SH3BP5: variants seen among roughly 807,000 people sequenced by gnomAD.
SH3BP5 encodes SH3 domain binding protein 5.
In SH3BP5, 22 loss-of-function variants were observed where a neutral mutation model predicts 43.3. The ratio of observed to expected loss-of-function variants is 0.51; its 90% CI spans 0.36 to 0.73. SH3BP5 has a LOEUF of 0.73. Among genes scored for constraint, SH3BP5 ranks in the 30% least tolerant of loss-of-function variants. The probability of loss-of-function intolerance (pLI) is 0.00; values close to 1 mark genes in which losing one functional copy is unlikely to be tolerated. For synonymous variants in SH3BP5, 255 were observed against 225.8 expected (o/e 1.13, Z -1.16); for missense variants, 529 against 586.9 (o/e 0.90, Z 1.02).
intron 3 of SH3BP5, among the ~76,000 whole-genome samples, chr3:15,274,073 G>A (rs1196633381): frequency 6.6e-5 from 10 of 152,026 alleles, no homozygotes; most frequent in Non-Finnish European, 1.0e-4. Context: ...GTGAAACACC[G>A]TCTCTACTAA....
chr3:15,297,517 G>A (rs560964218), intron 3 of SH3BP5, among the ~76,000 whole-genome samples: 6 of 152,214 alleles, frequency 3.9e-5, no homozygotes, highest in East Asian at 1.9e-4. Context: ...TAATTCAATC[G>A]CTGTAGTAAA....
chr3:15,263,214 G>A (rs368758543), intron 4 of SH3BP5, among the ~76,000 whole-genome samples: 4 of 152,180 alleles, frequency 2.6e-5, no homozygotes, highest in Non-Finnish European at 4.4e-5. Context: ...CAGGTTCCTC[G>A]ATCTAAGTAG....
intron 2 of SH3BP5, among the ~76,000 whole-genome samples, chr3:15,316,797 G>A (rs554458519): frequency 6.6e-6 from 1 of 151,594 alleles, no homozygotes; most frequent in Admixed American, 6.6e-5. Context: ...CCCTTTAAAC[G>A]TGACAGCAAG....
chr3:15,284,724 G>A (rs1413691392), intron 3 of SH3BP5, among the ~76,000 whole-genome samples: 2 of 152,200 alleles, frequency 1.3e-5, no homozygotes, highest in African/African-American at 4.8e-5. Context: ...AACAGAGGCA[G>A]AGGACACACC....
At chr3:15,286,161 C>T (rs1298794820) in intron 3 of SH3BP5, among the ~76,000 whole-genome samples, 1 of 152,226 alleles carries the variant, frequency 6.6e-6, no homozygotes, top group Non-Finnish European at 1.5e-5. Context: ...GCATACACAG[C>T]TAGTGGCCCC....
At chr3:15,281,302 ATT>A (rs1289014846) in intron 3 of SH3BP5, among the ~76,000 whole-genome samples, 1 of 152,220 alleles carries the variant, frequency 6.6e-6, no homozygotes, top group Admixed American at 6.5e-5. Flanking sequence ...CAAAACTGGC[ATT>A]GATTTGACCA....
intron 2 of SH3BP5, among the ~76,000 whole-genome samples, chr3:15,305,548 C>T (rs548755969): frequency 5.3e-4 from 81 of 152,174 alleles, no homozygotes; most frequent in African/African-American, 1.6e-3. Flanking sequence ...TGGCGCCAGA[C>T]CATGTATTAG....
chr3:15,257,158 T>C lies in SH3BP5; in HGVS notation c.890-45A>G, dbSNP rs868099050. On this transcript the variant is annotated intron_variant, in intron 7 of 8. Coordinates refer to ENST00000383791, the MANE Select transcript of SH3BP5 (RefSeq NM_004844.5). ...CAGTCACATGGGTTCTGTCACCTCC[T>C]CAAACACCACAAGTGCTTGCTGCTG... The C allele has an allele frequency of 9.4e-6, 15 of 1,590,366 alleles. No individual in the cohort carries two copies. The Middle Eastern group carries it at 6.7e-4, about 71-fold the overall frequency.
At chr3:15,320,719 G>A (rs967023253) in intron 2 of SH3BP5, among the ~76,000 whole-genome samples, 17 of 151,418 alleles carry the variant, frequency 1.1e-4, no homozygotes, top group Admixed American at 5.3e-4. Context: ...ACAGTCCACA[G>A]GGACCACATC....
In SH3BP5 at chr3:15,304,184, T is replaced by C. The variant is rs1697832729; in HGVS notation, c.249A>G (p.Lys83=). 6.2e-7 allele frequency: 1 copy of C among 1,614,034 alleles called. No individual in the cohort carries two copies. Among genetic ancestry groups the C allele is most frequent in the Non-Finnish European group, 8.5e-7 (1 of 1,180,020 alleles). The change falls in exon 3 of 9, where the codon AAA becomes AAG. Residue 83 remains lysine (K), a synonymous_variant. Coordinates refer to ENST00000383791, the MANE Select transcript of SH3BP5 (RefSeq NM_004844.5). ...FRSVLVEATV[K]LDELVKKIGK... is the part of the protein sequence containing the mutation. ...CAATTTTCTTCACCAGTTCATCCAG[T>C]TTCACCGTTGCTTCAACCAGAACAG...
chr3:15,269,294 C>T (rs1696730079), intron 4 of SH3BP5, among the ~76,000 whole-genome samples: 1 of 152,198 alleles, frequency 6.6e-6, no homozygotes, highest in African/African-American at 2.4e-5. Flanking sequence ...CTGCCTTCCT[C>T]CGACAGCACA....
intron 3 of SH3BP5, among the ~76,000 whole-genome samples, chr3:15,292,279 G>A (rs1697433842): frequency 6.6e-6 from 1 of 152,194 alleles, no homozygotes. Flanking sequence ...TAACCACTAT[G>A]CTGTGGTGAC....
At chr3:15,256,752 G>T in intron 8 of SH3BP5, 101 bp downstream of exon 8, 1 of 1,341,518 alleles carries the variant, frequency 7.5e-7, no homozygotes, top group Non-Finnish European at 1.0e-6. Flanking sequence ...TGGTAATGCA[G>T]CATGGGGGCC....
At chr3:15,273,438 T>A in intron 3 of SH3BP5, 1 of 983,076 alleles carries the variant, frequency 1.0e-6, no homozygotes, top group East Asian at 1.1e-4. Context: ...CATGTGAAGC[T>A]GCCTTTGAGA....
chr3:15,336,248 T>A (rs1474625351), upstream of SH3BP5, among the ~76,000 whole-genome samples: 3 of 152,006 alleles, frequency 2.0e-5, no homozygotes, highest in Non-Finnish European at 4.4e-5. Flanking sequence ...ATGCCTTGGG[T>A]GTTGGCAAAA....
intron 1 of SH3BP5, among the ~76,000 whole-genome samples, chr3:15,338,354 A>T (rs888654626): frequency 7.2e-5 from 11 of 152,224 alleles, no homozygotes; most frequent in African/African-American, 2.7e-4. Flanking sequence ...AAATAAATAC[A>T]TTAAATTAAA....
intron 1 of SH3BP5, among the ~76,000 whole-genome samples, chr3:15,337,783 T>C (rs1031264296): frequency 1.3e-5 from 2 of 151,122 alleles, no homozygotes; most frequent in Admixed American, 1.3e-4. Context: ...AGTGTGGTGG[T>C]GTGTACCTAT....
At position 15,286,826 on chromosome 3, in the gene SH3BP5, A is replaced by G. The variant is rs532336282; in HGVS notation, c.331-16949T>C. Among the ~76,000 whole-genome samples, 28 of 152,344 alleles carry G rather than the reference A, an allele frequency of 1.8e-4. No homozygotes were observed. The East Asian group carries it at 5.4e-3, about 29-fold the overall frequency. ...TTCCCAAAGTGCTGAGATCACAGGC[A>G]TGAGCCACCATGCCGGGCTGCAAGC... is the stretch of plus-strand genomic sequence containing the variant. On this transcript the variant is annotated intron_variant, in intron 3 of 8. Transcript: ENST00000383791.
chr3:15,305,805 G>T (rs1224761506), intron 2 of SH3BP5, among the ~76,000 whole-genome samples: 1 of 152,100 alleles, frequency 6.6e-6, no homozygotes, highest in Non-Finnish European at 1.5e-5. Flanking sequence ...CTAGCAACTT[G>T]GACCTTGATA....
Sources: allele counts gnomAD v4.1 joint callset (sites outside exome capture counted in the v4.1 genomes callset), GRCh38; gene constraint gnomAD v4.1.1; transcripts MANE v1.5; gene names NCBI Gene and HGNC (gene_info 2026-07-23, HGNC 2026-07-21).